Variants in AKAP19 observed in about 807,000 individuals in gnomAD.
The protein encoded by AKAP19 is A-kinase anchoring protein 19, also known as small A-kinase anchoring protein.
At chr2:189,992,700 G>A in the AKAP19 span, among the ~76,000 whole-genome samples, 13 of 152,104 alleles carry the variant, frequency 8.5e-5, no homozygotes, top group Non-Finnish European at 1.6e-4. Context: ...ATTTCTTTCA[G>A]CAGTGTTTTT....
the AKAP19 span, among the ~76,000 whole-genome samples, chr2:190,001,343 C>T: frequency 3.4e-3 from 514 of 152,172 alleles, 11 homozygotes; most frequent in Non-Finnish European, 1.3e-3. Flanking sequence ...TTTCTATTAA[C>T]GGCTTTCTCC....
chr2:189,974,050 T>G, the AKAP19 span, among the ~76,000 whole-genome samples: 1 of 152,228 alleles, frequency 6.6e-6, no homozygotes, highest in Admixed American at 6.5e-5. Context: ...CTTGCTTCTC[T>G]AGTTCTTTTA....
chr2:190,120,190 G>A, the AKAP19 span, among the ~76,000 whole-genome samples: 1 of 152,162 alleles, frequency 6.6e-6, no homozygotes, highest in Non-Finnish European at 1.5e-5. Flanking sequence ...TCATACGAGG[G>A]CAAACCCTAT....
chr2:189,953,655 A>G, the AKAP19 span, among the ~76,000 whole-genome samples: 1 of 151,856 alleles, frequency 6.6e-6, no homozygotes, highest in East Asian at 1.9e-4. Context: ...AAAAAAAAAA[A>G]AAAACAAAGA....
chr2:190,075,954 T>G, the AKAP19 span, among the ~76,000 whole-genome samples: 215 of 152,308 alleles, frequency 1.4e-3, no homozygotes, highest in South Asian at 4.6e-3. Flanking sequence ...CACTATTGAT[T>G]TACTCACTAT....
chr2:189,916,602 G>A, the AKAP19 span, among the ~76,000 whole-genome samples: 1 of 152,126 alleles, frequency 6.6e-6, no homozygotes, highest in Non-Finnish European at 1.5e-5. Flanking sequence ...GATTACAGGT[G>A]TAAGCCACTG....
chr2:190,101,719 A>C, the AKAP19 span, among the ~76,000 whole-genome samples: 1 of 152,178 alleles, frequency 6.6e-6, no homozygotes, highest in Admixed American at 6.5e-5. Flanking sequence ...AGACTATAAA[A>C]AGACTTACAC....
the AKAP19 span, among the ~76,000 whole-genome samples, chr2:190,039,593 G>A: frequency 6.6e-6 from 1 of 151,926 alleles, no homozygotes; most frequent in Non-Finnish European, 1.5e-5. Context: ...GCCACAGGGG[G>A]TTGTTGTACA....
At chr2:189,924,265 C>G in the AKAP19 span, 1 of 1,259,932 alleles carries the variant, frequency 7.9e-7, no homozygotes, top group Non-Finnish European at 1.2e-6. Flanking sequence ...TTTACCTAGG[C>G]GCTTGTCTAA....
the AKAP19 span, among the ~76,000 whole-genome samples, chr2:190,160,527 A>G: frequency 1.3e-5 from 2 of 152,226 alleles, no homozygotes; most frequent in Admixed American, 1.3e-4. Flanking sequence ...TTTATAAAAC[A>G]TGACTAAATG....
the AKAP19 span, among the ~76,000 whole-genome samples, chr2:189,894,048 G>A: frequency 6.6e-6 from 1 of 152,160 alleles, no homozygotes; most frequent in Admixed American, 6.5e-5. Context: ...GGCACTGGTG[G>A]AAGGGTCTGG....
the AKAP19 span, chr2:190,202,569 C>T: frequency 6.0e-6 from 1 of 166,962 alleles, no homozygotes; most frequent in Non-Finnish European, 1.5e-5. Context: ...TCTTTCATAT[C>T]TTTATATTGA....
At chr2:190,193,717 G>T in the AKAP19 span, among the ~76,000 whole-genome samples, 1 of 151,980 alleles carries the variant, frequency 6.6e-6, no homozygotes, top group Non-Finnish European at 1.5e-5. Context: ...GACTTTTCTT[G>T]ATCAGTCTGT....
chr2:190,202,704 A>T, the AKAP19 span: 3 of 167,086 alleles, frequency 1.8e-5, no homozygotes, highest in East Asian at 5.8e-4. Flanking sequence ...CTGGAAAGGG[A>T]AACATTTGGA....
At chr2:190,105,113 C>A in the AKAP19 span, among the ~76,000 whole-genome samples, 1 of 152,032 alleles carries the variant, frequency 6.6e-6, no homozygotes, top group Admixed American at 6.5e-5. Flanking sequence ...ACTGTTTGAC[C>A]CAGCAATTCC....
chr2:190,162,505 C>T, the AKAP19 span, among the ~76,000 whole-genome samples: 2 of 152,080 alleles, frequency 1.3e-5, no homozygotes, highest in Non-Finnish European at 2.9e-5. Context: ...AAAACAATAC[C>T]ATGCTTCTCA....
chr2:190,165,764 T>A, the AKAP19 span, among the ~76,000 whole-genome samples: 1 of 152,202 alleles, frequency 6.6e-6, no homozygotes, highest in Non-Finnish European at 1.5e-5. Flanking sequence ...TGTTAGATGA[T>A]AGACATTAAT....
At chr2:190,023,789 G>A in the AKAP19 span, among the ~76,000 whole-genome samples, 1 of 68,344 alleles carries the variant, frequency 1.5e-5, no homozygotes, top group African/African-American at 4.1e-5. Context: ...TAGGTAATGT[G>A]TGTGTGTATA....
chr2:189,949,370 G>A, the AKAP19 span, among the ~76,000 whole-genome samples: 107 of 152,120 alleles, frequency 7.0e-4, no homozygotes, highest in South Asian at 1.7e-3. Flanking sequence ...TGACCAAGAT[G>A]GTGAAACCTC....
Sources: allele counts gnomAD v4.1 joint callset (sites outside exome capture counted in the v4.1 genomes callset), GRCh38; gene constraint gnomAD v4.1.1; transcripts MANE v1.5; gene names NCBI Gene and HGNC (gene_info 2026-07-23, HGNC 2026-07-21).